Variants in SLC25A30 observed in about 807,000 individuals in gnomAD.
The protein encoded by SLC25A30 is kidney mitochondrial carrier protein 1.
A neutral mutation model predicts 42.7 loss-of-function variants in SLC25A30; 29 were observed. The ratio of observed to expected loss-of-function variants is 0.68; its 90% CI spans 0.51 to 0.93. The LOEUF (loss-of-function observed/expected upper bound fraction) is 0.93. SLC25A30 is among the 40% of genes least tolerant of loss of function. The pLI, the probability that SLC25A30 is intolerant of heterozygous loss-of-function variation, is 0.00. For missense variants in SLC25A30, 300 were observed against 359.7 expected (o/e 0.83, Z 1.34); for synonymous variants, 124 against 131.0 (o/e 0.95, Z 0.37).
the SLC25A30 span, among the ~76,000 whole-genome samples, chr13:45,427,577 C>T: frequency 6.6e-6 from 1 of 152,156 alleles, no homozygotes; most frequent in South Asian, 2.1e-4. Flanking sequence ...GATATATAAT[C>T]ATCTGTACCC....
intron 1 of SLC25A30, among the ~76,000 whole-genome samples, chr13:45,414,375 TG>T (rs748748178): frequency 6.6e-6 from 1 of 152,066 alleles, no homozygotes; most frequent in Non-Finnish European, 1.5e-5. Context: ...CCCAGCACTT[TG>T]GGAGGCCGAG....
intron 2 of SLC25A30, among the ~76,000 whole-genome samples, chr13:45,409,758 G>A (rs890138293): frequency 2.6e-5 from 4 of 152,142 alleles, no homozygotes; most frequent in African/African-American, 9.7e-5. Flanking sequence ...GCAGTGAGCC[G>A]AGATCACGTC....
intron 3 of SLC25A30, among the ~76,000 whole-genome samples, chr13:45,407,466 G>C (rs904037544): frequency 6.6e-6 from 1 of 152,102 alleles, no homozygotes; most frequent in Admixed American, 6.6e-5. Context: ...GGGCTGCAAT[G>C]AGAGGATCAC....
At chr13:45,398,697 C>A in intron 8 of SLC25A30, 1 of 344,358 alleles carries the variant, frequency 2.9e-6, no homozygotes, top group Non-Finnish European at 5.2e-6. Flanking sequence ...TGGAAGGAGA[C>A]CCAGTTCTTT....
At chr13:45,424,458 C>T in the SLC25A30 span, among the ~76,000 whole-genome samples, 192 of 19,314 alleles carry the variant, frequency 9.9e-3, 12 homozygotes, top group African/African-American at 0.042. Flanking sequence ...AATATATAAA[C>T]ATATAAAAAT....
In SLC25A30 at chr13:45,397,258, A is replaced by G; in HGVS notation, c.834T>C (p.Ile278=). ...NWLRLGPWNI[I]FFVTYEQLKK... ...GATCTATTGCAACAGAAAAGGATACAATGATATTCCAAGGACCAAGTCTCA... is the reference window on the plus strand; with the variant it reads ...GATCTATTGCAACAGAAAAGGATACGATGATATTCCAAGGACCAAGTCTCA... The change falls in exon 9 of 10, where the codon ATT becomes ATC. Residue 278 remains isoleucine (I), a splice_region_variant and synonymous_variant. Coordinates refer to ENST00000519676, the MANE Select transcript of SLC25A30 (RefSeq NM_001010875.4). 1 of 1,598,000 alleles carries G rather than the reference A, an allele frequency of 6.3e-7. No homozygotes were observed. Among genetic ancestry groups the G allele is most frequent in the Non-Finnish European group, 8.6e-7 (1 of 1,165,986 alleles).
chr13:45,428,546 G>T, the SLC25A30 span, among the ~76,000 whole-genome samples: 1 of 35,578 alleles, frequency 2.8e-5, no homozygotes, highest in African/African-American at 9.5e-5. Context: ...TTTTTGAGAC[G>T]GAGTCCAGCT....
At chr13:45,428,517 C>CTTTCTT in the SLC25A30 span, among the ~76,000 whole-genome samples, 1 of 92,550 alleles carries the variant, frequency 1.1e-5, no homozygotes, top group African/African-American at 4.3e-5. Flanking sequence ...TTCTTTTTAA[C>CTTTCTT]TTTTTTTTTT....
At chr13:45,424,395 A>G in the SLC25A30 span, among the ~76,000 whole-genome samples, 1 of 73,312 alleles carries the variant, frequency 1.4e-5, no homozygotes. Flanking sequence ...ATATAAATAT[A>G]TAAATATATA....
chr13:45,400,379 ACCACTGCACT>A (rs1050166212), intron 7 of SLC25A30, among the ~76,000 whole-genome samples: 5 of 152,074 alleles, frequency 3.3e-5, no homozygotes, highest in Non-Finnish European at 7.4e-5. Context: ...CCGAGATCAC[ACCACTGCACT>A]CCAGCCTGGG....
At chr13:45,426,236 G>A in the SLC25A30 span, among the ~76,000 whole-genome samples, 1 of 151,692 alleles carries the variant, frequency 6.6e-6, no homozygotes, top group East Asian at 1.9e-4. Flanking sequence ...ACAGGCGTGC[G>A]CCACCACGCC....
chr13:45,395,194 C>A lies in SLC25A30; in HGVS notation c.*780G>T. The A allele has an allele frequency of 1.0e-6, 1 of 984,572 alleles. No individual in the cohort carries two copies. The highest frequency in any genetic ancestry group is 1.2e-6 in the Non-Finnish European group (1 of 829,160). The allele number at this position is 984,572 out of a possible 1,614,324, so 61.0% of individuals were successfully genotyped here. The stretch of plus-strand genomic sequence containing the variant: ...TCCCCATTTTACTCATTGAGAAATA[C>A]ATATGCTTTGCTAAAAATCATAAAG... On this transcript the variant is annotated 3_prime_UTR_variant, in exon 10 of 10. Coordinates refer to ENST00000519676, the MANE Select transcript of SLC25A30 (RefSeq NM_001010875.4).
At chr13:45,403,446 G>A (rs1882190118) in intron 5 of SLC25A30, among the ~76,000 whole-genome samples, 1 of 152,080 alleles carries the variant, frequency 6.6e-6, no homozygotes, top group Admixed American at 6.6e-5. Context: ...AGAAAAGAGG[G>A]GAAGTAGGAA....
chr13:45,411,285 T>C, intron 2 of SLC25A30, 77 bp downstream of exon 2: 1 of 1,105,244 alleles, frequency 9.0e-7, no homozygotes, highest in Non-Finnish European at 1.4e-6. Context: ...CATCTCACAT[T>C]CTACACTTGA....
rs373206308 is a variant in SLC25A30, at chr13:45,396,000, C to T, written c.850G>A (p.Glu284Lys). The change falls in exon 10 of 10, where the codon GAG (glutamate) becomes AAG (lysine). Residue 284 changes from glutamate (E) to lysine (K), a missense_variant. Physicochemically the swap from Glu to Lys is moderately conservative, Grantham distance 56. Coordinates refer to ENST00000519676, the MANE Select transcript of SLC25A30 (RefSeq NM_001010875.4). The stretch of plus-strand genomic sequence containing the variant: ...CACAAATCCAATTTCTTCAACTGCT[C>T]GTATGTCACAAAGAACTGTGGTTAT... ...PWNIIFFVTYEQLKKLDL is the reference protein window; with the variant it reads ...PWNIIFFVTYKQLKKLDL The T allele has an allele frequency of 4.3e-6, 7 of 1,614,042 alleles. No homozygotes were observed. The highest frequency in any genetic ancestry group is 1.3e-5 in the African/African-American group (1 of 74,914).
chr13:45,418,325 T>A lies in SLC25A30; in HGVS notation c.-81A>T, dbSNP rs1181644284. The A allele has an allele frequency of 2.6e-5, 4 of 151,968 alleles. No homozygotes were observed. Among genetic ancestry groups the A allele is most frequent in the African/African-American group, 9.7e-5 (4 of 41,320 alleles). The allele number at this position is 151,968 out of a possible 1,614,324, so 9.4% of individuals were successfully genotyped here. On this transcript the variant is annotated 5_prime_UTR_variant, in exon 1 of 10. Coordinates refer to ENST00000519676, the MANE Select transcript of SLC25A30 (RefSeq NM_001010875.4). ...CTGGCGGCAGCGGCCCCACACCTCC[T>A]CCAACCCGGACTCAGTTGTAACAAG...
Position 45,405,957 on chromosome 13 carries a change from C to G in SLC25A30, c.233G>C (p.Arg78Pro), listed in dbSNP as rs746653798. 1 of 1,614,024 alleles carries G rather than the reference C, an allele frequency of 6.2e-7. No homozygotes were observed. Among genetic ancestry groups the G allele is most frequent in the Non-Finnish European group, 8.5e-7 (1 of 1,180,028 alleles). ...CTTGATGGTGCCATAGGATGCCTGGCGTAACATCGCGGGGGCAATCCTGTT... is the reference window on the plus strand; with the variant it reads ...CTTGATGGTGCCATAGGATGCCTGGGGTAACATCGCGGGGGCAATCCTGTT... ...LYSGIAPAML[R>P]QASYGTIKIG... The change falls in exon 4 of 10, where the codon CGC becomes CCC. Residue 78 changes from arginine (R) to proline (P), a missense_variant. Physicochemically the swap from Arg to Pro is moderately radical, Grantham distance 103 (BLOSUM62 -2). Transcript: ENST00000519676.
chr13:45,418,934 T>A (rs1263265740), upstream of SLC25A30, among the ~76,000 whole-genome samples: 1 of 32,224 alleles, frequency 3.1e-5, no homozygotes, highest in Non-Finnish European at 5.7e-5. Flanking sequence ...AAGCGAGACT[T>A]CGTCTCAAAA....
At chr13:45,420,777 T>C (rs1418455864), upstream of SLC25A30, among the ~76,000 whole-genome samples, 1 of 152,112 alleles carries the variant, frequency 6.6e-6, no homozygotes, top group Admixed American at 6.5e-5. Context: ...CACAGCTCAC[T>C]GCAGCCTCGA....
Sources: gnomAD v4.1 joint callset for allele counts (sites outside exome capture counted in the v4.1 genomes callset) on GRCh38, gnomAD v4.1.1 for gene constraint, MANE v1.5 for transcripts, NCBI Gene and HGNC (gene_info 2026-07-23, HGNC 2026-07-21) for gene names.